Variants in KIAA1328 observed in about 807,000 individuals in gnomAD.
The protein encoded by KIAA1328 is KIAA1328, also known as protein hinderin.
KIAA1328 carries 52 observed loss-of-function variants against 68.1 expected under a neutral mutation model. The ratio of observed to expected loss-of-function variants is 0.76; its 90% CI spans 0.61 to 0.96. The LOEUF is 0.96. KIAA1328 is among the 40% of genes least tolerant of loss of function. The pLI, the probability that KIAA1328 is intolerant of heterozygous loss-of-function variation, is 0.00. For missense variants in KIAA1328, 641 were observed against 677.6 expected (o/e 0.95, Z 0.60); for synonymous variants, 232 against 239.4 (o/e 0.97, Z 0.28).
intron 7 of KIAA1328, among the ~76,000 whole-genome samples, chr18:37,138,203 CACA>C (rs1263688630): frequency 6.6e-6 from 1 of 152,182 alleles, no homozygotes; most frequent in Non-Finnish European, 1.5e-5. Flanking sequence ...GTTTAATCCT[CACA>C]ACAACTCTGT....
intron 5 of KIAA1328, among the ~76,000 whole-genome samples, chr18:36,937,413 T>G (rs2151171010): frequency 6.6e-6 from 1 of 152,038 alleles, no homozygotes; most frequent in East Asian, 1.9e-4. Context: ...ACCATCAGAG[T>G]GAACAAGCAA....
chr18:37,001,582 G>A (rs533164518), intron 6 of KIAA1328, among the ~76,000 whole-genome samples: 3 of 152,056 alleles, frequency 2.0e-5, no homozygotes, highest in Non-Finnish European at 4.4e-5. Flanking sequence ...TTACAGGCTA[G>A]TATCCCTGAC....
At chr18:37,127,605 A>G (rs1008344998) in intron 7 of KIAA1328, among the ~76,000 whole-genome samples, 13 of 152,170 alleles carry the variant, frequency 8.5e-5, no homozygotes, top group African/African-American at 3.1e-4. Flanking sequence ...AATGGAGAGC[A>G]ATGCCGGGTT....
intron 6 of KIAA1328, among the ~76,000 whole-genome samples, chr18:36,975,148 T>C (rs2052409658): frequency 6.6e-6 from 1 of 152,094 alleles, no homozygotes. Context: ...GCTAAGTTAT[T>C]GATCCAAGGA....
chr18:37,088,651 A>G (rs1420214979), intron 7 of KIAA1328, among the ~76,000 whole-genome samples: 6 of 152,052 alleles, frequency 3.9e-5, no homozygotes, highest in Admixed American at 3.3e-4. Flanking sequence ...GTAGAAAGAA[A>G]TATAAAATTC....
At chr18:37,001,920 AAGCCTTTTCTCTAAG>A (rs2053599110) in intron 6 of KIAA1328, among the ~76,000 whole-genome samples, 1 of 152,156 alleles carries the variant, frequency 6.6e-6, no homozygotes, top group Non-Finnish European at 1.5e-5. Context: ...GAAAAGCTGA[AAGCCTTTTCTCTAAG>A]AACTGGAACA....
chr18:36,988,811 GTTTATATAATTTACAA>G (rs11275173), intron 6 of KIAA1328, among the ~76,000 whole-genome samples: 152,290 of 152,290 alleles, frequency 1, 76,145 homozygotes, highest in Non-Finnish European at 1. Flanking sequence ...AATTTATACT[GTTTATATAATTTACAA>G]CTTACTGTTA....
At chr18:37,139,994 G>T (rs2154207987) in intron 7 of KIAA1328, among the ~76,000 whole-genome samples, 1 of 152,190 alleles carries the variant, frequency 6.6e-6, no homozygotes, top group Non-Finnish European at 1.5e-5. Flanking sequence ...TAATGCAGAG[G>T]GTAGGAGGTA....
intron 6 of KIAA1328, among the ~76,000 whole-genome samples, chr18:36,967,225 G>A (rs1406276801): frequency 6.6e-6 from 1 of 152,058 alleles, no homozygotes; most frequent in South Asian, 2.1e-4. Flanking sequence ...AACATGAGAA[G>A]GATTCAACTT....
chr18:37,088,976 C>A (rs1338873771), intron 7 of KIAA1328, among the ~76,000 whole-genome samples: 2 of 152,058 alleles, frequency 1.3e-5, no homozygotes, highest in East Asian at 3.9e-4. Flanking sequence ...CTAAACCTTT[C>A]TTTATGCTTA....
chr18:37,213,168 C>CT, intron 9 of KIAA1328, among the ~76,000 whole-genome samples: 1 of 152,116 alleles, frequency 6.6e-6, no homozygotes, highest in Non-Finnish European at 1.5e-5. Context: ...TATTTTTATA[C>CT]TTTAAGTTCT....
At chr18:37,200,672 G>A (rs970664063) in intron 9 of KIAA1328, among the ~76,000 whole-genome samples, 28 of 151,850 alleles carry the variant, frequency 1.8e-4, no homozygotes, top group African/African-American at 4.6e-4. Flanking sequence ...TTAGCCGGGC[G>A]CGGTGGCGGG....
chr18:37,112,191 A>G (rs1236510484), intron 7 of KIAA1328, among the ~76,000 whole-genome samples: 2 of 152,180 alleles, frequency 1.3e-5, no homozygotes, highest in East Asian at 3.9e-4. Flanking sequence ...CCCAGCACGG[A>G]GTTTGAGATC....
At chr18:37,173,875 TA>T (rs1207819343) in intron 9 of KIAA1328, among the ~76,000 whole-genome samples, 2 of 152,214 alleles carry the variant, frequency 1.3e-5, no homozygotes, top group Non-Finnish European at 2.9e-5. Flanking sequence ...CTTCCTCCTC[TA>T]AAAAGTTGTA....
intron 3 of KIAA1328, among the ~76,000 whole-genome samples, chr18:36,841,934 T>C (rs932994858): frequency 6.6e-5 from 10 of 152,222 alleles, no homozygotes; most frequent in Admixed American, 2.0e-4. Context: ...TGTTTTTTTT[T>C]CCCTCTATGG....
intron 9 of KIAA1328, among the ~76,000 whole-genome samples, chr18:37,184,009 GTT>G (rs1466015197): frequency 1.3e-5 from 2 of 152,092 alleles, no homozygotes; most frequent in African/African-American, 4.8e-5. Context: ...ATTATTTTCT[GTT>G]CTTTTCATTC....
Position 37,224,295 on chromosome 18 carries a change from G to T in KIAA1328, c.*2068G>T. 1 of 985,418 alleles carries T rather than the reference G, an allele frequency of 1.0e-6. No individual in the cohort carries two copies. Among genetic ancestry groups the T allele is most frequent in the Non-Finnish European group, 1.2e-6 (1 of 829,932 alleles). 61.0% of individuals were successfully genotyped at this position (985,418 alleles called of 1,614,324 possible). On this transcript the variant is annotated 3_prime_UTR_variant, in exon 10 of 10. Coordinates refer to ENST00000280020, the MANE Select transcript of KIAA1328 (RefSeq NM_020776.3). ...TCTTGAAGAAGCTTGTTTGCCTTTAGAAGAATCGTAAACAGAGTCTAAACT... is the reference window on the plus strand; with the variant it reads ...TCTTGAAGAAGCTTGTTTGCCTTTATAAGAATCGTAAACAGAGTCTAAACT...
intron 4 of KIAA1328, among the ~76,000 whole-genome samples, chr18:36,871,441 G>C (rs2047942224): frequency 6.6e-6 from 1 of 152,056 alleles, no homozygotes; most frequent in South Asian, 2.1e-4. Context: ...GATTAAGGGG[G>C]TGTCTGCAGG....
intron 5 of KIAA1328, among the ~76,000 whole-genome samples, chr18:36,913,191 A>C (rs548964939): frequency 2.0e-5 from 3 of 152,038 alleles, no homozygotes; most frequent in Admixed American, 2.0e-4. Flanking sequence ...CTTTCAATTT[A>C]AACTGGCAGT....
Sources: gnomAD v4.1 joint callset for allele counts (sites outside exome capture counted in the v4.1 genomes callset) on GRCh38, gnomAD v4.1.1 for gene constraint, MANE v1.5 for transcripts, NCBI Gene and HGNC (gene_info 2026-07-23, HGNC 2026-07-21) for gene names.